TSPAN11: variants seen among roughly 807,000 people sequenced by gnomAD.
TSPAN11 encodes tetraspanin 11, also known as tetraspanin-11.
In TSPAN11, 29 loss-of-function variants were observed where a neutral mutation model predicts 32.9. That is an observed-to-expected ratio of 0.88 (90% CI 0.66 to 1.20). TSPAN11 has a LOEUF of 1.20. TSPAN11 is among the 50% of genes most tolerant of loss of function. The pLI is 0.00. For missense variants in TSPAN11, 283 were observed against 329.1 expected, an observed-to-expected ratio of 0.86 and a Z score of 1.08; for synonymous variants, 140 against 141.3, an observed-to-expected ratio of 0.99 and a Z score of 0.07.
intron 2 of TSPAN11, among the ~76,000 whole-genome samples, chr12:30,961,423 T>C (rs767561458): frequency 1.3e-5 from 2 of 151,944 alleles, no homozygotes; most frequent in East Asian, 3.8e-4. Flanking sequence ...CCCACAATCA[T>C]GTGGTTAGTC....
intron 6 of TSPAN11, 103 bp downstream of exon 6, chr12:30,982,793 G>GAC: frequency 6.9e-7 from 1 of 1,451,064 alleles, no homozygotes; most frequent in Non-Finnish European, 9.2e-7. Context: ...GGAAAAGCAG[G>GAC]ACACATGTGC....
At chr12:30,956,825 A>G (rs1258813670) in intron 2 of TSPAN11, among the ~76,000 whole-genome samples, 1 of 152,206 alleles carries the variant, frequency 6.6e-6, no homozygotes, top group Non-Finnish European at 1.5e-5. Flanking sequence ...AAACGTTTCT[A>G]GCCCCCCAGG....
In TSPAN11 at chr12:30,995,012, C is replaced by T. The variant is rs1939389710; in HGVS notation, c.*3097C>T. On this transcript the variant is annotated 3_prime_UTR_variant, in exon 8 of 8. Coordinates refer to ENST00000546076, the MANE Select transcript of TSPAN11 (RefSeq NM_001370302.1). ...GAGTGTCACTCAGGGGGCACTGTCA[C>T]AAAGCAGCACCCATGGCACATGGGC... 6.6e-6 allele frequency: 1 copy of T among 152,218 alleles called. No individual in the cohort carries two copies. The highest frequency in any genetic ancestry group is 1.5e-5 in the Non-Finnish European group (1 of 68,064). The allele number at this position is 152,218 out of a possible 1,614,324, so 9.4% of individuals were successfully genotyped here.
chr12:30,983,889 C>A (rs1939147781), intron 7 of TSPAN11, among the ~76,000 whole-genome samples: 1 of 152,084 alleles, frequency 6.6e-6, no homozygotes, highest in Non-Finnish European at 1.5e-5. Flanking sequence ...ATTGAGCATC[C>A]ATGGATTTTG....
At chr12:31,007,915 G>A in the TSPAN11 span, among the ~76,000 whole-genome samples, 2 of 152,082 alleles carry the variant, frequency 1.3e-5, no homozygotes, top group African/African-American at 4.8e-5. Flanking sequence ...AGAGGCGGGG[G>A]CCAGGGAGGA....
rs1939390414 is a variant in TSPAN11 at position 30,995,051 on chromosome 12, GC to G, written c.*3138del. 1 of 152,228 alleles carries G rather than the reference GC, an allele frequency of 6.6e-6. No individual in the cohort carries two copies. Among genetic ancestry groups the G allele is most frequent in the Admixed American group, 6.5e-5 (1 of 15,288 alleles). The allele number at this position is 152,228 out of a possible 1,614,324, so 9.4% of individuals were successfully genotyped here. A position where few individuals can be genotyped will look rare whatever the true frequency, so the allele number is the denominator to read the frequency against. ...TGGCACATGGGCCGGGGGTGCAGAA[GC>G]CTGGCTTATTTCAGGCTGACAGCTG... On this transcript the variant is annotated 3_prime_UTR_variant, in exon 8 of 8. Coordinates refer to ENST00000546076, the MANE Select transcript of TSPAN11 (RefSeq NM_001370302.1).
At chr12:31,002,987 C>A in the TSPAN11 span, among the ~76,000 whole-genome samples, 1 of 152,190 alleles carries the variant, frequency 6.6e-6, no homozygotes, top group African/African-American at 2.4e-5. The surrounding 1 kb of genome is among the most constrained non-coding windows in gnomAD (Gnocchi z 4.8). Context: ...CAGTTCTCAC[C>A]CCCTGCCTGC....
At chr12:31,005,732 G>A in the TSPAN11 span, 1 of 157,320 alleles carries the variant, frequency 6.4e-6, no homozygotes, top group Non-Finnish European at 1.4e-5. Flanking sequence ...CAGTAGAGGA[G>A]CGGGGAGTGG....
chr12:30,983,156 T>C lies in TSPAN11; in HGVS notation c.702+6T>C, dbSNP rs778332238. ...TCGGGGTGGCCTGCCTGCAGGTGAG[T>C]TGCAGTGCGGGGACTGGTGGGGGTG... On this transcript the variant is annotated splice_donor_region_variant and intron_variant, in intron 7 of 7. Transcript: ENST00000546076. The C allele has an allele frequency of 1.2e-6, 2 of 1,610,018 alleles. No individual in the cohort carries two copies. Among genetic ancestry groups the C allele is most frequent in the East Asian group, 4.5e-5 (2 of 44,814 alleles).
chr12:30,956,429 C>G (rs753858441), intron 2 of TSPAN11, among the ~76,000 whole-genome samples: 1 of 152,132 alleles, frequency 6.6e-6, no homozygotes, highest in Non-Finnish European at 1.5e-5. Context: ...ATATCACAAC[C>G]CTAATGGGTC....
chr12:30,963,367 A>G (rs1938652944), intron 2 of TSPAN11, among the ~76,000 whole-genome samples: 1 of 152,204 alleles, frequency 6.6e-6, no homozygotes, highest in Admixed American at 6.5e-5. Context: ...GGGCAAACAT[A>G]AGGATTAAAC....
intron 3 of TSPAN11, among the ~76,000 whole-genome samples, chr12:30,966,024 T>A (rs1339000552): frequency 7.0e-6 from 1 of 141,938 alleles, no homozygotes. Flanking sequence ...TTTTGTGATT[T>A]TTTTTTTTTT....
rs1939331293 is a variant in TSPAN11 at position 30,992,270 on chromosome 12, GGCAGAAAACCCAGGAA to G, written c.*356_*371del. On this transcript the variant is annotated 3_prime_UTR_variant, in exon 8 of 8. Coordinates refer to ENST00000546076, the MANE Select transcript of TSPAN11 (RefSeq NM_001370302.1). ...CCCAGCTCCTGAACCTGGAACAATC[GGCAGAAAACCCAGGAA>G]CCCCGGCACTCCTGCATTCAGCACG... 2 of 335,488 alleles carry G rather than the reference GGCAGAAAACCCAGGAA, an allele frequency of 6.0e-6. No individual in the cohort carries two copies. Among genetic ancestry groups the G allele is most frequent in the Non-Finnish European group, 1.1e-5 (2 of 177,582 alleles). 20.8% of individuals were successfully genotyped at this position (335,488 alleles called of 1,614,324 possible). A position where few individuals can be genotyped will look rare whatever the true frequency, so the allele number is the denominator to read the frequency against.
At chr12:31,002,084 C>T in the TSPAN11 span, among the ~76,000 whole-genome samples, 1 of 152,120 alleles carries the variant, frequency 6.6e-6, no homozygotes, top group East Asian at 1.9e-4. The surrounding 1 kb of genome is among the most constrained non-coding windows in gnomAD (Gnocchi z 4.8). Flanking sequence ...CAGTCCACAT[C>T]CTGCAGCCAC....
downstream of TSPAN11, chr12:30,997,507 C>T (rs1468458332): frequency 1.3e-5 from 2 of 152,580 alleles, no homozygotes; most frequent in Non-Finnish European, 2.9e-5. Flanking sequence ...GCAACTTCTT[C>T]ACATGGCGGC....
intron 1 of TSPAN11, among the ~76,000 whole-genome samples, chr12:30,931,835 G>A (rs1046722578): frequency 1.5e-5 from 2 of 129,460 alleles, no homozygotes; most frequent in Non-Finnish European, 1.5e-5. Flanking sequence ...AGCCGAGATC[G>A]CACCACTGCA....
intron 2 of TSPAN11, among the ~76,000 whole-genome samples, chr12:30,957,375 C>T (rs2140287087): frequency 6.6e-6 from 1 of 152,218 alleles, no homozygotes; most frequent in Non-Finnish European, 1.5e-5. Flanking sequence ...TGGGATAACC[C>T]CTTCTAGCTG....
At chr12:30,999,094 T>G (rs1939453462), downstream of TSPAN11, 1 of 152,178 alleles carries the variant, frequency 6.6e-6, no homozygotes, top group Non-Finnish European at 1.5e-5. Flanking sequence ...GTGGGAGGAT[T>G]GCTTGAGTCC....
chr12:30,992,596 C>T lies in TSPAN11; in HGVS notation c.*681C>T, dbSNP rs1852663249. The stretch of plus-strand genomic sequence containing the variant: ...AGCACATGCTGCACTAGGAGCAGAG[C>T]CCTGCACCTGCCTAGCTGCCTTCCT... On this transcript the variant is annotated 3_prime_UTR_variant, in exon 8 of 8. Transcript: ENST00000546076. The T allele has an allele frequency of 1.3e-5, 2 of 153,296 alleles. No individual in the cohort carries two copies. The highest frequency in any genetic ancestry group is 2.4e-5 in the African/African-American group (1 of 41,458). The allele number at this position is 153,296 out of a possible 1,614,324, so 9.5% of individuals were successfully genotyped here. A position where few individuals can be genotyped will look rare whatever the true frequency, so the allele number is the denominator to read the frequency against.
Sources: gnomAD v4.1 joint callset for allele counts (sites outside exome capture counted in the v4.1 genomes callset) on GRCh38, gnomAD v4.1.1 for gene constraint, Gnocchi (gnomAD v3.1) non-coding constraint, MANE v1.5 for transcripts, NCBI Gene and HGNC (gene_info 2026-07-23, HGNC 2026-07-21) for gene names.